Variants in ZRANB3 observed in about 807,000 individuals in gnomAD.
ZRANB3 encodes the protein DNA annealing helicase and endonuclease ZRANB3.
Under a neutral mutation model 133.8 loss-of-function variants are expected in ZRANB3, and 125 were observed. The ratio of observed to expected loss-of-function variants is 0.93; its 90% CI spans 0.81 to 1.08. The LOEUF (loss-of-function observed/expected upper bound fraction) is 1.08, where lower values mean the gene tolerates loss of function less well. Ranked by LOEUF, ZRANB3 falls within the 50% of genes least tolerant of loss-of-function variation. ZRANB3 has a pLI of 0.00. For missense variants in ZRANB3, 1,229 were observed against 1,275.5 expected (o/e 0.96, Z 0.56); for synonymous variants, 387 against 432.7 (o/e 0.89, Z 1.31).
intron 1 of ZRANB3, among the ~76,000 whole-genome samples, chr2:135,504,821 A>G (rs1693101944): frequency 6.6e-6 from 1 of 152,102 alleles, no homozygotes. Flanking sequence ...AAATCGAATA[A>G]TTTTTAAAAT....
chr2:135,495,600 C>T (rs948398954), intron 2 of ZRANB3, among the ~76,000 whole-genome samples: 1 of 152,078 alleles, frequency 6.6e-6, no homozygotes, highest in Non-Finnish European at 1.5e-5. Context: ...GTAAAACATA[C>T]ATAAAAGTTA....
At chr2:135,272,589 AT>A (rs981636025) in intron 9 of ZRANB3, among the ~76,000 whole-genome samples, 5 of 151,336 alleles carry the variant, frequency 3.3e-5, no homozygotes, top group Non-Finnish European at 5.9e-5. Flanking sequence ...AATTTTTTGT[AT>A]TTTTAGTAGA....
intron 9 of ZRANB3, among the ~76,000 whole-genome samples, chr2:135,274,591 A>C (rs1040675162): frequency 6.6e-6 from 1 of 151,960 alleles, no homozygotes; most frequent in African/African-American, 2.4e-5. Flanking sequence ...TTTTTTTAGC[A>C]ACCTTTTTTT....
At chr2:135,411,775 A>G (rs1380760509) in intron 2 of ZRANB3, among the ~76,000 whole-genome samples, 2 of 152,170 alleles carry the variant, frequency 1.3e-5, no homozygotes, top group African/African-American at 2.4e-5. Context: ...AAGGGGGTAG[A>G]GGCAAAGGCG....
At chr2:135,213,052 C>A (rs1449065014) in intron 17 of ZRANB3, among the ~76,000 whole-genome samples, 1 of 151,726 alleles carries the variant, frequency 6.6e-6, no homozygotes, top group African/African-American at 2.4e-5. Context: ...ACATCACTGG[C>A]GGATAATCTG....
intron 12 of ZRANB3, among the ~76,000 whole-genome samples, chr2:135,238,241 C>T (rs1412773039): frequency 1.3e-5 from 2 of 152,154 alleles, no homozygotes; most frequent in East Asian, 3.9e-4. Context: ...GATGGTCACA[C>T]CAATTCTTAT....
chr2:135,271,705 G>C (rs1046337249), intron 10 of ZRANB3, 63 bp downstream of exon 10: 2 of 1,532,826 alleles, frequency 1.3e-6, no homozygotes, highest in African/African-American at 2.8e-5. Flanking sequence ...AAGTTATAGT[G>C]AATGGCCTTT....
At chr2:135,237,703 ACAC>A (rs1012109155) in intron 12 of ZRANB3, among the ~76,000 whole-genome samples, 8 of 151,608 alleles carry the variant, frequency 5.3e-5, no homozygotes, top group Non-Finnish European at 1.2e-4. Flanking sequence ...AAAAAACTAA[ACAC>A]CACATGTCCT....
At chr2:135,424,922 G>C (rs545873395) in intron 2 of ZRANB3, among the ~76,000 whole-genome samples, 2 of 151,978 alleles carry the variant, frequency 1.3e-5, no homozygotes, top group Non-Finnish European at 2.9e-5. Context: ...CACACAAAAG[G>C]TACCAATTAT....
At chr2:135,397,051 C>T (rs569049014) in intron 2 of ZRANB3, among the ~76,000 whole-genome samples, 21 of 152,192 alleles carry the variant, frequency 1.4e-4, no homozygotes, top group African/African-American at 4.8e-4. Flanking sequence ...CCCTTGAGCC[C>T]AGGAGATTGA....
intron 2 of ZRANB3, among the ~76,000 whole-genome samples, chr2:135,418,223 A>C (rs1688676160): frequency 6.6e-6 from 1 of 152,210 alleles, no homozygotes; most frequent in South Asian, 2.1e-4. Context: ...AGTAATCTAG[A>C]GATAATTTAA....
chr2:135,251,320 T>A (rs1305869920), intron 12 of ZRANB3, among the ~76,000 whole-genome samples: 3 of 152,234 alleles, frequency 2.0e-5, no homozygotes, highest in Non-Finnish European at 2.9e-5. Context: ...ACTTGCCTTG[T>A]CTCAGATGAG....
chr2:135,412,093 G>A (rs1237188408), intron 2 of ZRANB3, among the ~76,000 whole-genome samples: 1 of 152,034 alleles, frequency 6.6e-6, no homozygotes, highest in Non-Finnish European at 1.5e-5. Flanking sequence ...ATAATAATGT[G>A]TATTTGATGG....
intron 8 of ZRANB3, among the ~76,000 whole-genome samples, chr2:135,284,822 GGTT>G (rs1410070986): frequency 1.3e-5 from 2 of 151,514 alleles, no homozygotes; most frequent in African/African-American, 4.9e-5. Context: ...TAACAAGAGA[GGTT>G]ATTTCTTCTT....
chr2:135,496,059 G>C (rs1449095005), intron 2 of ZRANB3, among the ~76,000 whole-genome samples: 1 of 152,090 alleles, frequency 6.6e-6, no homozygotes, highest in Non-Finnish European at 1.5e-5. Flanking sequence ...ATCCTCCATT[G>C]AAGAATTTAC....
intron 1 of ZRANB3, among the ~76,000 whole-genome samples, chr2:135,505,755 C>T (rs1160745654): frequency 6.6e-6 from 1 of 151,898 alleles, no homozygotes; most frequent in Admixed American, 6.6e-5. Flanking sequence ...GAAGCAAGAC[C>T]CACGCACTCG....
At chr2:135,482,852 T>C (rs1691894069) in intron 2 of ZRANB3, among the ~76,000 whole-genome samples, 1 of 152,150 alleles carries the variant, frequency 6.6e-6, no homozygotes, top group African/African-American at 2.4e-5. Context: ...GTCAAAGGCT[T>C]TTTCTGCATC....
intron 8 of ZRANB3, among the ~76,000 whole-genome samples, chr2:135,291,902 A>G (rs1219248425): frequency 3.9e-5 from 6 of 152,138 alleles, no homozygotes; most frequent in African/African-American, 1.4e-4. Flanking sequence ...AGCTTCATCC[A>G]TGTCCCTACA....
intron 8 of ZRANB3, among the ~76,000 whole-genome samples, chr2:135,296,834 G>A (rs142139841): frequency 0.039 from 5,917 of 152,248 alleles, 399 homozygotes; most frequent in African/African-American, 0.14. Flanking sequence ...GAGATTGCTG[G>A]AGGTCCACTC....
Sources: allele counts gnomAD v4.1 joint callset (sites outside exome capture counted in the v4.1 genomes callset), GRCh38; gene constraint gnomAD v4.1.1; transcripts MANE v1.5; gene names NCBI Gene and HGNC (gene_info 2026-07-23, HGNC 2026-07-21).